The following CNTNAP5 variants were observed in gnomAD, a reference collection of about 807,000 sequenced individuals.
The protein encoded by CNTNAP5 is contactin associated protein family member 5, also known as contactin-associated protein-like 5.
In CNTNAP5, 72 loss-of-function variants were observed where a neutral mutation model predicts 150.2. The observed-to-expected ratio is 0.48, with a 90% CI of 0.40 to 0.58. The LOEUF (loss-of-function observed/expected upper bound fraction) is 0.58. Ranked by LOEUF, CNTNAP5 falls within the 20% of genes least tolerant of loss-of-function variation. CNTNAP5 has a pLI of 0.00. For missense variants in CNTNAP5, 1,636 were observed against 1,626.2 expected (o/e 1.01, Z -0.10); for synonymous variants, 672 against 619.8 (o/e 1.08, Z -1.25).
chr2:124,790,171 T>A (rs1681694711), intron 18 of CNTNAP5, 30 bp downstream of exon 18: 1 of 1,577,542 alleles, frequency 6.3e-7, no homozygotes, highest in Non-Finnish European at 8.6e-7. Context: ...TTCTCCTGAG[T>A]GCAGTGCTGT....
intron 17 of CNTNAP5, 139 bp from the exon 18 acceptor site, chr2:124,789,763 C>T: frequency 1.3e-6 from 1 of 752,024 alleles, no homozygotes; most frequent in South Asian, 2.1e-5. Flanking sequence ...CCAACTCTCA[C>T]TGAAACTTTA....
chr2:124,532,654 C>T (rs919085447), intron 10 of CNTNAP5, among the ~76,000 whole-genome samples: 1 of 152,186 alleles, frequency 6.6e-6, no homozygotes, highest in Non-Finnish European at 1.5e-5. Flanking sequence ...GTGGCAGCAG[C>T]TTTCAGAAGC....
At chr2:124,803,841 C>T (rs1682025386) in intron 19 of CNTNAP5, among the ~76,000 whole-genome samples, 1 of 152,166 alleles carries the variant, frequency 6.6e-6, no homozygotes, top group Non-Finnish European at 1.5e-5. Flanking sequence ...TTAGAACATC[C>T]CCTGCCATTC....
At chr2:124,588,606 A>T (rs1344970183) in intron 11 of CNTNAP5, among the ~76,000 whole-genome samples, 1 of 152,114 alleles carries the variant, frequency 6.6e-6, no homozygotes, top group Non-Finnish European at 1.5e-5. Context: ...GAGCTTGCTT[A>T]TGTATTTATA....
chr2:124,888,365 G>A (rs994118338), intron 21 of CNTNAP5, among the ~76,000 whole-genome samples: 2 of 152,070 alleles, frequency 1.3e-5, no homozygotes, highest in African/African-American at 4.8e-5. Flanking sequence ...CATGTAGTTC[G>A]ATTCCATGTC....
At chr2:124,283,351 A>C (rs1319578851) in intron 3 of CNTNAP5, among the ~76,000 whole-genome samples, 1 of 152,196 alleles carries the variant, frequency 6.6e-6, no homozygotes, top group African/African-American at 2.4e-5. Context: ...TAAGTAAAAG[A>C]GGTCACAAGT....
intron 1 of CNTNAP5, among the ~76,000 whole-genome samples, chr2:124,204,838 TG>T (rs1685823250): frequency 6.6e-6 from 1 of 151,966 alleles, no homozygotes; most frequent in Admixed American, 6.6e-5. Context: ...AGATGAGCTA[TG>T]GGGACACAGC....
chr2:124,817,565 G>C (rs1682391446), intron 19 of CNTNAP5, among the ~76,000 whole-genome samples: 1 of 152,194 alleles, frequency 6.6e-6, no homozygotes, highest in Admixed American at 6.5e-5. Flanking sequence ...AGCTAGAGTT[G>C]TATAAAGTCT....
At chr2:124,353,756 A>G (rs1045609743) in intron 3 of CNTNAP5, among the ~76,000 whole-genome samples, 7 of 152,218 alleles carry the variant, frequency 4.6e-5, no homozygotes, top group African/African-American at 9.6e-5. Flanking sequence ...ACAGTCTACA[A>G]CAGTTAAAAG....
chr2:124,419,940 CTTTCTTTCTTTCTTTCCTTT>C (rs1692046540), intron 4 of CNTNAP5, among the ~76,000 whole-genome samples: 1 of 119,798 alleles, frequency 8.3e-6, no homozygotes, highest in African/African-American at 3.5e-5. Flanking sequence ...TTCTTTCTTT[CTTTCTTTCTTTCTTTCCTTT>C]TCTCTCTCTC....
intron 1 of CNTNAP5, among the ~76,000 whole-genome samples, chr2:124,105,708 T>G (rs1434695284): frequency 6.6e-6 from 1 of 152,226 alleles, no homozygotes; most frequent in Non-Finnish European, 1.5e-5. Context: ...TTTAACATAT[T>G]GTGGTAGTTT....
chr2:124,615,931 T>C (rs1677483677), intron 12 of CNTNAP5, among the ~76,000 whole-genome samples: 1 of 152,178 alleles, frequency 6.6e-6, no homozygotes, highest in Non-Finnish European at 1.5e-5. Context: ...TAAGCAGTAA[T>C]ATTTTGAAAG....
intron 3 of CNTNAP5, among the ~76,000 whole-genome samples, chr2:124,309,668 A>G (rs1558844333): frequency 6.6e-6 from 1 of 152,300 alleles, no homozygotes; most frequent in East Asian, 1.9e-4. Flanking sequence ...CCCAATGACA[A>G]AAGTCTGGGG....
chr2:124,224,039 A>G (rs1686396783), intron 2 of CNTNAP5, among the ~76,000 whole-genome samples: 1 of 151,890 alleles, frequency 6.6e-6, no homozygotes, highest in Admixed American at 6.6e-5. Context: ...AGGGCTGTGC[A>G]TTTGAATCAC....
chr2:124,541,653 T>C (rs189310948), intron 10 of CNTNAP5, among the ~76,000 whole-genome samples: 118 of 152,098 alleles, frequency 7.8e-4, no homozygotes, highest in Middle Eastern at 3.4e-3. Flanking sequence ...CTCGAACAAA[T>C]AATAAGGAAG....
intron 3 of CNTNAP5, among the ~76,000 whole-genome samples, chr2:124,397,482 A>T (rs1315132972): frequency 6.6e-6 from 1 of 152,186 alleles, no homozygotes; most frequent in Non-Finnish European, 1.5e-5. Flanking sequence ...CTCATGAACT[A>T]ATTACCTCTC....
At chr2:124,595,066 A>G (rs973675402) in intron 11 of CNTNAP5, among the ~76,000 whole-genome samples, 22 of 146,752 alleles carry the variant, frequency 1.5e-4, no homozygotes, top group African/African-American at 4.5e-4. Context: ...CTAGATAAAC[A>G]ATCATGTCGT....
At chr2:124,611,002 A>G (rs1440099371) in intron 12 of CNTNAP5, among the ~76,000 whole-genome samples, 1 of 147,974 alleles carries the variant, frequency 6.8e-6, no homozygotes, top group Admixed American at 6.8e-5. Flanking sequence ...TATTATGAGC[A>G]TCATTAATTG....
intron 12 of CNTNAP5, among the ~76,000 whole-genome samples, chr2:124,640,945 G>GA (rs1678078109): frequency 6.6e-6 from 1 of 151,746 alleles, no homozygotes; most frequent in South Asian, 2.1e-4. Flanking sequence ...AACCAACCTG[G>GA]AAAAACCCTG....
Sources: allele counts gnomAD v4.1 joint callset (sites outside exome capture counted in the v4.1 genomes callset), GRCh38; gene constraint gnomAD v4.1.1; transcripts MANE v1.5; gene names NCBI Gene and HGNC (gene_info 2026-07-23, HGNC 2026-07-21).